The following CAMK2D variants were observed in gnomAD, a reference collection of about 807,000 sequenced individuals.
CAMK2D encodes calcium/calmodulin-dependent protein kinase type II subunit delta.
CAMK2D carries 37 observed loss-of-function variants against 84.0 expected under a neutral mutation model. The ratio of observed to expected loss-of-function variants is 0.44; its 90% CI spans 0.34 to 0.58. The LOEUF (loss-of-function observed/expected upper bound fraction) is 0.58, where lower values mean the gene tolerates loss of function less well. Among genes scored for constraint, CAMK2D ranks in the 20% least tolerant of loss-of-function variants. The pLI, the probability that CAMK2D is intolerant of heterozygous loss-of-function variation, is 0.02. For synonymous variants in CAMK2D, 202 were observed against 212.5 expected, an observed-to-expected ratio of 0.95 and a Z score of 0.43; for missense variants, 448 against 652.5, an observed-to-expected ratio of 0.69 and a Z score of 3.41.
chr4:113,690,804 G>A (rs1227087366), intron 2 of CAMK2D, among the ~76,000 whole-genome samples: 2 of 152,128 alleles, frequency 1.3e-5, no homozygotes, highest in African/African-American at 4.8e-5. Flanking sequence ...AGATTTATAA[G>A]CTACTGTGAG....
At chr4:113,665,224 T>C (rs2099252829) in intron 2 of CAMK2D, among the ~76,000 whole-genome samples, 1 of 152,238 alleles carries the variant, frequency 6.6e-6, no homozygotes, top group Non-Finnish European at 1.5e-5. Flanking sequence ...CATTCTGCAC[T>C]CTCCCACTGG....
At chr4:113,565,488 C>G (rs917842237) in intron 4 of CAMK2D, among the ~76,000 whole-genome samples, 7 of 151,648 alleles carry the variant, frequency 4.6e-5, no homozygotes, top group South Asian at 4.2e-4. Flanking sequence ...CCGTCTCTAC[C>G]AAAAATACAA....
chr4:113,708,397 C>T (rs1210737884), intron 2 of CAMK2D, among the ~76,000 whole-genome samples: 2 of 152,182 alleles, frequency 1.3e-5, no homozygotes, highest in African/African-American at 4.8e-5. Context: ...GGCTGCATGG[C>T]TGGAGAGTCT....
intron 2 of CAMK2D, among the ~76,000 whole-genome samples, chr4:113,700,683 C>CCCT (rs10669328): frequency 0.92 from 140,106 of 152,094 alleles, 64,607 homozygotes; most frequent in East Asian, 1. Context: ...AGTTCACTTT[C>CCCT]CCTCCTGACG....
chr4:113,620,213 T>C (rs1186031211), intron 3 of CAMK2D, among the ~76,000 whole-genome samples: 1 of 152,154 alleles, frequency 6.6e-6, no homozygotes, highest in Non-Finnish European at 1.5e-5. Context: ...CCCTTGGTTC[T>C]GTGGTGTGTA....
chr4:113,674,045 C>T (rs2099307197), intron 2 of CAMK2D, among the ~76,000 whole-genome samples: 1 of 152,080 alleles, frequency 6.6e-6, no homozygotes, highest in South Asian at 2.1e-4. Context: ...TTTGAATTTA[C>T]TGAATATCAT....
At chr4:113,555,821 T>C (rs1483023708) in intron 4 of CAMK2D, among the ~76,000 whole-genome samples, 2 of 152,028 alleles carry the variant, frequency 1.3e-5, no homozygotes, top group Non-Finnish European at 2.9e-5. Flanking sequence ...ACTCCCAAAG[T>C]GCTGATATTA....
At chr4:113,557,637 T>G (rs2098673872) in intron 4 of CAMK2D, among the ~76,000 whole-genome samples, 1 of 152,250 alleles carries the variant, frequency 6.6e-6, no homozygotes. Flanking sequence ...AGCTGTGTTT[T>G]GCAGATTAGC....
intron 15 of CAMK2D, among the ~76,000 whole-genome samples, chr4:113,501,321 G>A (rs2098041567): frequency 7.2e-6 from 1 of 139,784 alleles, no homozygotes; most frequent in Non-Finnish European, 1.6e-5. Flanking sequence ...TGTGATAAAT[G>A]TGCTCATTAA....
At chr4:113,598,312 G>A (rs2098936710) in intron 4 of CAMK2D, among the ~76,000 whole-genome samples, 1 of 151,090 alleles carries the variant, frequency 6.6e-6, no homozygotes, top group Non-Finnish European at 1.5e-5. Context: ...AAATGGTGCT[G>A]AAACAACTGA....
chr4:113,616,515 C>T (rs181623649), intron 3 of CAMK2D, among the ~76,000 whole-genome samples: 38 of 152,268 alleles, frequency 2.5e-4, no homozygotes, highest in African/African-American at 9.1e-4. Flanking sequence ...CCTAGATAAT[C>T]CAACTGGGTT....
intron 3 of CAMK2D, among the ~76,000 whole-genome samples, chr4:113,649,380 CA>C (rs1483395351): frequency 6.6e-6 from 1 of 152,198 alleles, no homozygotes; most frequent in Non-Finnish European, 1.5e-5. Flanking sequence ...TATTCTCAAT[CA>C]ACTTTTATTT....
At chr4:113,701,884 A>C (rs1232611833) in intron 2 of CAMK2D, among the ~76,000 whole-genome samples, 1 of 151,994 alleles carries the variant, frequency 6.6e-6, no homozygotes, top group Non-Finnish European at 1.5e-5. Flanking sequence ...AAATTTTTGT[A>C]GAGATGGGGT....
At chr4:113,647,223 T>G (rs2099155634) in intron 3 of CAMK2D, among the ~76,000 whole-genome samples, 1 of 152,240 alleles carries the variant, frequency 6.6e-6, no homozygotes, top group Non-Finnish European at 1.5e-5. Context: ...ATGAATAGAT[T>G]TATAAGGATT....
chr4:113,510,863 AAC>A (rs58294004), intron 12 of CAMK2D, among the ~76,000 whole-genome samples: 48,613 of 151,886 alleles, frequency 0.32, 7,803 homozygotes, highest in Admixed American at 0.37. Flanking sequence ...AATCTTTAGC[AAC>A]ACAGCTATTA....
intron 2 of CAMK2D, among the ~76,000 whole-genome samples, chr4:113,710,536 T>A (rs1410264725): frequency 2.0e-5 from 3 of 152,198 alleles, no homozygotes; most frequent in Non-Finnish European, 4.4e-5. Flanking sequence ...CCTTTCCTTT[T>A]ATTCAAGAAA....
At chr4:113,524,811 T>G (rs2098404303) in intron 8 of CAMK2D, among the ~76,000 whole-genome samples, 2 of 152,166 alleles carry the variant, frequency 1.3e-5, no homozygotes, top group South Asian at 4.1e-4. Flanking sequence ...CCAGACATAG[T>G]AAATGTAGAG....
chr4:113,659,427 G>A (rs536298350), intron 3 of CAMK2D, among the ~76,000 whole-genome samples: 1 of 152,306 alleles, frequency 6.6e-6, no homozygotes, highest in Non-Finnish European at 1.5e-5. Context: ...ACTTCAGAAT[G>A]TGACTGTATT....
At chr4:113,703,343 C>T (rs2099428741) in intron 2 of CAMK2D, among the ~76,000 whole-genome samples, 1 of 152,152 alleles carries the variant, frequency 6.6e-6, no homozygotes, top group Admixed American at 6.5e-5. Flanking sequence ...TGTCTTAAGA[C>T]AGGGTCTTGC....
Sources: allele counts gnomAD v4.1 joint callset (sites outside exome capture counted in the v4.1 genomes callset), GRCh38; gene constraint gnomAD v4.1.1; transcripts MANE v1.5; gene names NCBI Gene and HGNC (gene_info 2026-07-23, HGNC 2026-07-21).